DYNC1I2: variants seen among roughly 807,000 people sequenced by gnomAD.
DYNC1I2 encodes dynein cytoplasmic 1 intermediate chain 2.
A neutral mutation model predicts 88.6 loss-of-function variants in DYNC1I2; 53 were observed. That is an observed-to-expected ratio of 0.60 (90% CI 0.48 to 0.75). DYNC1I2 has a LOEUF of 0.75. Ranked by LOEUF, DYNC1I2 falls within the 30% of genes least tolerant of loss-of-function variation. The probability of loss-of-function intolerance (pLI) is 0.00; values close to 1 mark genes in which losing one functional copy is unlikely to be tolerated. For missense variants in DYNC1I2, 458 were observed against 766.6 expected (o/e 0.60, Z 4.75); for synonymous variants, 198 against 254.6 (o/e 0.78, Z 2.12).
At position 171,697,878 on chromosome 2, in the gene DYNC1I2, AAAG is replaced by A. The variant is rs1258337278; in HGVS notation, c.226+4987_226+4989del. On this transcript the variant is annotated intron_variant, in intron 3 of 17. Transcript: ENST00000397119. ...CAAGAAAAGAAAAGAAAAGAAAAGA[AAAG>A]AAAAGAAGCTTGATTCACTTTAGGC... Among the ~76,000 whole-genome samples the A allele has an allele frequency of 1.2e-4, 18 of 151,894 alleles. No homozygotes were observed. In the South Asian group the frequency reaches 3.5e-3, roughly 30 times the overall value.
intron 5 of DYNC1I2, among the ~76,000 whole-genome samples, chr2:171,712,117 T>C (rs1446160547): frequency 6.6e-6 from 1 of 152,352 alleles, no homozygotes; most frequent in East Asian, 1.9e-4. Flanking sequence ...TCTATTTTTT[T>C]CCTAGAGACA....
At chr2:171,739,769 G>A (rs887329735) in intron 15 of DYNC1I2, among the ~76,000 whole-genome samples, 3 of 131,804 alleles carry the variant, frequency 2.3e-5, no homozygotes, top group African/African-American at 8.6e-5. Context: ...GCAGTGGCAC[G>A]ATCTTGGCTC....
chr2:171,722,651 A>G (rs1327134230), intron 7 of DYNC1I2, among the ~76,000 whole-genome samples: 1 of 152,196 alleles, frequency 6.6e-6, no homozygotes, highest in East Asian at 1.9e-4. Flanking sequence ...CAAGAAAAGC[A>G]TATTTGTTTC....
chr2:171,700,329 A>C (rs1177473244), intron 3 of DYNC1I2, among the ~76,000 whole-genome samples: 1 of 152,194 alleles, frequency 6.6e-6, no homozygotes, highest in African/African-American at 2.4e-5. Context: ...TATGACTTAG[A>C]TTTGGAAGTC....
intron 15 of DYNC1I2, among the ~76,000 whole-genome samples, chr2:171,730,296 C>T (rs1688521467): frequency 1.3e-5 from 2 of 152,140 alleles, no homozygotes; most frequent in Non-Finnish European, 2.9e-5. Flanking sequence ...AACTGATTTA[C>T]AATAAGTCCT....
intron 3 of DYNC1I2, among the ~76,000 whole-genome samples, chr2:171,696,868 G>T (rs1685806569): frequency 6.6e-6 from 1 of 151,910 alleles, no homozygotes; most frequent in Non-Finnish European, 1.5e-5. Flanking sequence ...CACCCCCTTT[G>T]TTCCTTTTAC....
chr2:171,716,608 A>G (rs1052621132), intron 7 of DYNC1I2, among the ~76,000 whole-genome samples: 1 of 151,918 alleles, frequency 6.6e-6, no homozygotes, highest in African/African-American at 2.4e-5. Context: ...GCCTAAACCT[A>G]AAAAAAAGTT....
At chr2:171,692,562 A>G (rs535527304) in intron 2 of DYNC1I2, among the ~76,000 whole-genome samples, 2 of 152,266 alleles carry the variant, frequency 1.3e-5, no homozygotes, top group South Asian at 4.1e-4. Flanking sequence ...TTACATATGA[A>G]GATAGAGCAG....
At chr2:171,700,499 A>G (rs1686164700) in intron 3 of DYNC1I2, among the ~76,000 whole-genome samples, 1 of 152,338 alleles carries the variant, frequency 6.6e-6, no homozygotes, top group East Asian at 1.9e-4. Context: ...TAAGTGATGA[A>G]AGGCATTTTA....
intron 5 of DYNC1I2, among the ~76,000 whole-genome samples, chr2:171,709,954 T>C (rs909949709): frequency 4.6e-5 from 7 of 152,204 alleles, no homozygotes; most frequent in Non-Finnish European, 7.4e-5. Context: ...TGACCTCAGG[T>C]GATCCACCCA....
intron 3 of DYNC1I2, among the ~76,000 whole-genome samples, chr2:171,699,679 G>A (rs1207202643): frequency 2.0e-5 from 3 of 150,258 alleles, no homozygotes; most frequent in African/African-American, 7.4e-5. Context: ...TCAGTCTGTG[G>A]CCGAGACTGG....
rs1019377092 is a variant in DYNC1I2, at chr2:171,742,200, C to T, written c.1537-1849C>T. On this transcript the variant is annotated intron_variant, in intron 15 of 17. Coordinates refer to ENST00000397119, the MANE Select transcript of DYNC1I2 (RefSeq NM_001378.3). ...ATTTTTTTATTTTTTGAGACAAGGT[C>T]TCACTCCCATCGCCTAGGCTGGAGT... Among the ~76,000 whole-genome samples, 27 of 151,688 alleles carry T rather than the reference C, an allele frequency of 1.8e-4. No homozygotes were observed. In the East Asian group the frequency reaches 4.5e-3, roughly 25 times the overall value.
At chr2:171,737,891 G>C (rs772105959) in intron 15 of DYNC1I2, among the ~76,000 whole-genome samples, 5 of 151,890 alleles carry the variant, frequency 3.3e-5, no homozygotes, top group Admixed American at 2.0e-4. Context: ...TTGTTGTACA[G>C]ATTATTCCAT....
chr2:171,707,045 A>C, intron 4 of DYNC1I2: 1 of 599,842 alleles, frequency 1.7e-6, no homozygotes, highest in Non-Finnish European at 2.9e-6. Context: ...TTTTTAAAAA[A>C]ATTATAAAGC....
Position 171,744,065 on chromosome 2 carries a change from A to G in DYNC1I2, c.1553A>G (p.Tyr518Cys). 1 of 1,610,880 alleles carries G rather than the reference A, an allele frequency of 6.2e-7. No homozygotes were observed. Reference protein sequence around the residue: ...LWTTKNNKPLYSFEDNADYVY... With the variant: ...LWTTKNNKPLCSFEDNADYVY... ...CTCTTTCAGAATAACAAGCCTTTGT[A>G]TTCATTTGAAGATAATGCAGACTAT... Residue 518 changes from tyrosine to cysteine, a missense_variant, in exon 16 of 18, where the codon TAT (tyrosine) becomes TGT (cysteine). Around this residue, in one of 5 missense-constraint regions of DYNC1I2, gnomAD observed 188 missense variants for 300.4 expected, o/e 0.63. Transcript: ENST00000397119.
chr2:171,746,380 A>G (rs1689782056), intron 17 of DYNC1I2, among the ~76,000 whole-genome samples: 1 of 152,180 alleles, frequency 6.6e-6, no homozygotes, highest in Non-Finnish European at 1.5e-5. Flanking sequence ...CCTTGATGCA[A>G]AGCCACAGTA....
At chr2:171,717,936 T>C (rs1312547074) in intron 7 of DYNC1I2, among the ~76,000 whole-genome samples, 1 of 152,028 alleles carries the variant, frequency 6.6e-6, no homozygotes, top group Non-Finnish European at 1.5e-5. Flanking sequence ...TCTATAGTTA[T>C]ATCCAGTTTA....
intron 3 of DYNC1I2, among the ~76,000 whole-genome samples, chr2:171,694,847 C>T (rs1052203458): frequency 3.9e-5 from 6 of 152,018 alleles, no homozygotes; most frequent in East Asian, 3.9e-4. Context: ...TAAACAAAAC[C>T]GTGAGGGATC....
chr2:171,714,769 A>G (rs986495519), intron 6 of DYNC1I2, among the ~76,000 whole-genome samples: 1 of 152,184 alleles, frequency 6.6e-6, no homozygotes, highest in African/African-American at 2.4e-5. Context: ...TTGATCATGC[A>G]GAGATTAGAG....
Sources: allele counts gnomAD v4.1 joint callset (sites outside exome capture counted in the v4.1 genomes callset), GRCh38; gene constraint gnomAD v4.1.1; regional missense constraint gnomAD v4.1.1; transcripts MANE v1.5; gene names NCBI Gene and HGNC (gene_info 2026-07-23, HGNC 2026-07-21).